Variants in TMPRSS11B observed in about 807,000 individuals in gnomAD.
TMPRSS11B encodes the protein transmembrane protease serine 11B.
A neutral mutation model predicts 44.7 loss-of-function variants in TMPRSS11B; 53 were observed. That is an observed-to-expected ratio of 1.19 (90% CI 0.95 to 1.49). TMPRSS11B has a LOEUF of 1.49. Among genes scored for constraint, TMPRSS11B ranks in the 40% most tolerant of loss-of-function variants. The pLI, the probability that TMPRSS11B is intolerant of heterozygous loss-of-function variation, is 0.00. For missense variants in TMPRSS11B, 526 were observed against 494.8 expected (o/e 1.06, Z -0.60); for synonymous variants, 140 against 159.2 (o/e 0.88, Z 0.91).
rs375749726 is a variant in TMPRSS11B, at chr4:68,229,351, C to T, written c.852G>A (p.Glu284=). 8.7e-6 allele frequency: 14 copies of T among 1,613,934 alleles called. No individual in the cohort carries two copies. The highest frequency in any genetic ancestry group is 2.2e-5 in the East Asian group (1 of 44,872). Residue 284 remains glutamate, a synonymous_variant, in exon 8 of 10, where the codon GAG becomes GAA. Transcript: ENST00000332644. ...VQLAEEVSFT[E]YIRKICLPEA... ...CAGGAAGACAAATCTTACGAATGTA[C>T]TCTGTAAAAGAAACTTCTTCAGCAA...
At chr4:68,238,202 A>G (rs562371052) in intron 2 of TMPRSS11B, among the ~76,000 whole-genome samples, 2 of 152,300 alleles carry the variant, frequency 1.3e-5, no homozygotes, top group South Asian at 4.1e-4. Flanking sequence ...GTAAGTTAGA[A>G]ATAATTTTAA....
Position 68,242,256 on chromosome 4 carries a change from TA to T in TMPRSS11B, c.9-453del, listed in dbSNP as rs1164912270. On this transcript the variant is annotated intron_variant, in intron 1 of 9. Transcript: ENST00000332644. ...TATATATATTATATTATATATATTA[TA>T]ATATATATAATATAATATTATATAT... 6.3e-4 allele frequency among the ~76,000 whole-genome samples: 49 copies of T among 77,716 alleles called. 3 individuals carry two copies. The highest frequency in any genetic ancestry group is 3.0e-3 in the African/African-American group (46 of 15,466). 51.0% of individuals were successfully genotyped at this position (77,716 alleles called of 152,430 possible).
intron 2 of TMPRSS11B, among the ~76,000 whole-genome samples, chr4:68,240,301 AAAC>A (rs1228709703): frequency 3.3e-5 from 5 of 152,212 alleles, no homozygotes; most frequent in Non-Finnish European, 5.9e-5. Context: ...AACTGACTTC[AAAC>A]AACATTTACC....
intron 2 of TMPRSS11B, among the ~76,000 whole-genome samples, chr4:68,240,735 T>C (rs1719800889): frequency 6.6e-6 from 1 of 152,034 alleles, no homozygotes; most frequent in Admixed American, 6.6e-5. Context: ...TGAGTGCCCA[T>C]TACCCTTCTG....
At chr4:68,242,240 T>TATAATATATATA (rs1436150730) in intron 1 of TMPRSS11B, among the ~76,000 whole-genome samples, 4 of 82,114 alleles carry the variant, frequency 4.9e-5, no homozygotes, top group African/African-American at 1.8e-4. Flanking sequence ...TTATATATAT[T>TATAATATATATA]ATATTATATA....
chr4:68,228,977 A>G (rs1045373940), intron 8 of TMPRSS11B, 93 bp from the exon 9 acceptor site: 14 of 1,378,344 alleles, frequency 1.0e-5, no homozygotes, highest in South Asian at 1.4e-5. Flanking sequence ...TCTCTTGGTC[A>G]CCAAGAGTCA....
At chr4:68,241,937 CAAA>C in intron 1 of TMPRSS11B, 133 bp from the exon 2 acceptor site, 1 of 603,118 alleles carries the variant, frequency 1.7e-6, no homozygotes, top group South Asian at 2.2e-5. Flanking sequence ...ATAGAAACCT[CAAA>C]TGCCTCAAAG....
chr4:68,239,235 G>A (rs551816705), intron 2 of TMPRSS11B, among the ~76,000 whole-genome samples: 1 of 152,136 alleles, frequency 6.6e-6, no homozygotes, highest in African/African-American at 2.4e-5. Flanking sequence ...GAGAAAGAGA[G>A]ACCAGATCTC....
chr4:68,232,559 C>T (rs1248981951), intron 5 of TMPRSS11B, 143 bp from the exon 6 acceptor site: 3 of 652,938 alleles, frequency 4.6e-6, no homozygotes, highest in Non-Finnish European at 7.9e-6. Flanking sequence ...GTATTTTCAG[C>T]CCCTCTGACT....
intron 7 of TMPRSS11B, among the ~76,000 whole-genome samples, chr4:68,229,852 C>A (rs939196725): frequency 3.4e-4 from 51 of 151,822 alleles, no homozygotes; most frequent in African/African-American, 1.2e-3. Context: ...GGATGGGGTC[C>A]AGGATTAGTC....
At chr4:68,238,751 CA>C (rs201042321) in intron 2 of TMPRSS11B, among the ~76,000 whole-genome samples, 2,483 of 151,224 alleles carry the variant, frequency 0.016, 58 homozygotes, top group African/African-American at 0.055. Flanking sequence ...AAACAAAAAA[CA>C]AAGAAAAACA....
In TMPRSS11B at chr4:68,228,069, C is replaced by T. The variant is rs1719405675; in HGVS notation, c.1093G>A (p.Asp365Asn). The change falls in exon 10 of 10, where the codon GAT becomes AAT. Residue 365 changes from aspartate (D) to asparagine (N), a missense_variant. Asp to Asn is a conservative substitution (Grantham distance 23, BLOSUM62 1). Transcript: ENST00000332644. ...GGGTAAGCTAGTGGTCCACCAGAATCATTCTAGAAGAAGAAAAGAAAAAAA... is the reference window on the plus strand; with the variant it reads ...GGGTAAGCTAGTGGTCCACCAGAATTATTCTAGAAGAAGAAAAGAAAAAAA... ...MSGEADACQN[D>N]SGGPLAYPDS... 6.3e-7 allele frequency: 1 copy of T among 1,594,640 alleles called. No homozygotes were observed. Among genetic ancestry groups the T allele is most frequent in the Non-Finnish European group, 8.5e-7 (1 of 1,174,848 alleles).
chr4:68,240,557 A>G (rs574332643), intron 2 of TMPRSS11B, among the ~76,000 whole-genome samples: 1 of 152,260 alleles, frequency 6.6e-6, no homozygotes, highest in Non-Finnish European at 1.5e-5. Context: ...TAAGATGCAA[A>G]CTGTATGTTG....
Position 68,227,742 on chromosome 4 carries a change from A to G in TMPRSS11B, c.*169T>C. The stretch of plus-strand genomic sequence containing the variant: ...TCTTACATTAATTTAAAAGATTAAT[A>G]AATGCATGGACAGTGTTTTAGATAT... On this transcript the variant is annotated 3_prime_UTR_variant, in exon 10 of 10. Transcript: ENST00000332644. The G allele has an allele frequency of 1.5e-5, 5 of 327,730 alleles. No individual in the cohort carries two copies. Among genetic ancestry groups the G allele is most frequent in the Non-Finnish European group, 2.4e-5 (5 of 207,460 alleles). The allele number at this position is 327,730 out of a possible 1,614,324, so 20.3% of individuals were successfully genotyped here. A position where few individuals can be genotyped will look rare whatever the true frequency, so the allele number is the denominator to read the frequency against.
intron 1 of TMPRSS11B, among the ~76,000 whole-genome samples, chr4:68,243,050 C>T (rs1201991393): frequency 6.6e-6 from 1 of 152,120 alleles, no homozygotes; most frequent in Non-Finnish European, 1.5e-5. Flanking sequence ...CCACACTAAG[C>T]TTAATCTACA....
chr4:68,237,891 C>G (rs1458297137), intron 2 of TMPRSS11B, among the ~76,000 whole-genome samples: 1 of 152,066 alleles, frequency 6.6e-6, no homozygotes, highest in Non-Finnish European at 1.5e-5. Flanking sequence ...GTGGCACGTG[C>G]CTGTAGTCCC....
Position 68,228,027 on chromosome 4 carries a change from A to G in TMPRSS11B, c.1135T>C (p.Trp379Arg). Residue 379 changes from tryptophan to arginine, a missense_variant, in exon 10 of 10, where the codon TGG becomes CGG. Physicochemically the swap from Trp to Arg is moderately radical, Grantham distance 101. Transcript: ENST00000332644. ...CAGCTTACTATTCCAACAAGATGCC[A>G]GATATTTCTGGAATCAGGGTAAGCT... Reference protein sequence around the residue: ...PLAYPDSRNIWHLVGIVSWGD... With the variant: ...PLAYPDSRNIRHLVGIVSWGD... The G allele has an allele frequency of 6.2e-7, 1 of 1,613,738 alleles. No homozygotes were observed. The highest frequency in any genetic ancestry group is 1.1e-5 in the South Asian group (1 of 91,022).
rs1719660815 is a variant in TMPRSS11B, at chr4:68,236,195, C to T, written c.196G>A (p.Ala66Thr). ...VTYNDNCENA[A>T]SQASTNLSKD... is the part of the protein sequence containing the mutation. ...CTTAGATTTGTGCTGGCTTGTGAAG[C>T]TGCGTTTTCACAATTATCATTGTAT... Residue 66 changes from alanine to threonine, a missense_variant, in exon 3 of 10, where the codon GCT becomes ACT. Ala to Thr is a moderately conservative substitution (Grantham distance 58). Transcript: ENST00000332644. 1 of 1,612,398 alleles carries T rather than the reference C, an allele frequency of 6.2e-7. No individual in the cohort carries two copies. Among genetic ancestry groups the T allele is most frequent in the Non-Finnish European group, 8.5e-7 (1 of 1,179,308 alleles).
intron 1 of TMPRSS11B, among the ~76,000 whole-genome samples, chr4:68,242,672 C>T (rs1392361486): frequency 1.3e-5 from 2 of 151,130 alleles, no homozygotes; most frequent in South Asian, 2.1e-4. Context: ...CTGGGCTCAA[C>T]TGATCCTCCC....
Sources: allele counts gnomAD v4.1 joint callset (sites outside exome capture counted in the v4.1 genomes callset), GRCh38; gene constraint gnomAD v4.1.1; transcripts MANE v1.5; gene names NCBI Gene and HGNC (gene_info 2026-07-23, HGNC 2026-07-21).